The following MRPS28 variants were observed in gnomAD, a reference collection of about 807,000 sequenced individuals.
MRPS28 encodes the protein mitochondrial ribosomal protein S28, also known as small ribosomal subunit protein bS1m.
MRPS28 carries 7 observed loss-of-function variants against 10.8 expected under a neutral mutation model. The ratio of observed to expected loss-of-function variants is 0.65; its 90% CI spans 0.37 to 1.22. The LOEUF is 1.22. MRPS28 is among the 50% of genes most tolerant of loss of function. The pLI, the probability that MRPS28 is intolerant of heterozygous loss-of-function variation, is 0.02. For synonymous variants in MRPS28, 121 were observed against 93.3 expected (o/e 1.30, Z -1.71); for missense variants, 265 against 232.9 (o/e 1.14, Z -0.90).
At chr8:79,962,185 G>A (rs531882458) in intron 2 of MRPS28, among the ~76,000 whole-genome samples, 6 of 152,106 alleles carry the variant, frequency 3.9e-5, no homozygotes, top group African/African-American at 1.4e-4. Flanking sequence ...TTCCCAGAGG[G>A]TAGTAGTTTT....
intron 1 of MRPS28, among the ~76,000 whole-genome samples, chr8:80,022,030 C>T (rs1010049981): frequency 2.0e-5 from 3 of 152,186 alleles, no homozygotes; most frequent in African/African-American, 7.2e-5. Flanking sequence ...AGTCAAAATG[C>T]AGAACAAGTC....
chr8:79,954,260 G>A (rs1807149185), intron 2 of MRPS28, among the ~76,000 whole-genome samples: 3 of 151,934 alleles, frequency 2.0e-5, no homozygotes, highest in African/African-American at 7.3e-5. Flanking sequence ...AAAAAATATA[G>A]CCTCTTTGGA....
At chr8:80,005,300 C>A (rs1289588744) in intron 1 of MRPS28, among the ~76,000 whole-genome samples, 3 of 152,136 alleles carry the variant, frequency 2.0e-5, no homozygotes, top group Admixed American at 6.5e-5. Flanking sequence ...GGCAGAAACT[C>A]TACAAGCCAG....
chr8:79,926,425 T>A (rs1411907366), intron 2 of MRPS28, among the ~76,000 whole-genome samples: 1 of 152,212 alleles, frequency 6.6e-6, no homozygotes. Context: ...CTTGCAAGTC[T>A]GACAAGAGGC....
intron 2 of MRPS28, among the ~76,000 whole-genome samples, chr8:79,986,263 T>C (rs1480166941): frequency 6.6e-6 from 1 of 152,214 alleles, no homozygotes; most frequent in Admixed American, 6.5e-5. Flanking sequence ...TAGGTATTGA[T>C]GGGATGTATC....
intron 2 of MRPS28, among the ~76,000 whole-genome samples, chr8:79,946,356 C>A (rs1020968748): frequency 6.6e-6 from 1 of 152,028 alleles, no homozygotes; most frequent in Non-Finnish European, 1.5e-5. Context: ...GAAATAGATG[C>A]TGTAACATAT....
At chr8:79,950,648 A>G (rs1007890662) in intron 2 of MRPS28, among the ~76,000 whole-genome samples, 2 of 152,258 alleles carry the variant, frequency 1.3e-5, no homozygotes, top group Non-Finnish European at 2.9e-5. Context: ...CATCTTTATC[A>G]ATATAGCTAA....
At chr8:79,951,414 G>A (rs920697333) in intron 2 of MRPS28, among the ~76,000 whole-genome samples, 2 of 152,172 alleles carry the variant, frequency 1.3e-5, no homozygotes, top group Non-Finnish European at 2.9e-5. Flanking sequence ...CCATCATCTA[G>A]GTGCCTCTGT....
At chr8:79,982,871 G>A (rs1312842885) in intron 2 of MRPS28, among the ~76,000 whole-genome samples, 4 of 151,864 alleles carry the variant, frequency 2.6e-5, no homozygotes, top group Non-Finnish European at 5.9e-5. Flanking sequence ...AGTAACCTCT[G>A]CAGACTTAAA....
intron 1 of MRPS28, among the ~76,000 whole-genome samples, chr8:80,014,459 T>C (rs1809142533): frequency 6.6e-6 from 1 of 152,080 alleles, no homozygotes; most frequent in Non-Finnish European, 1.5e-5. Flanking sequence ...ATATGAACAA[T>C]TTGTGATGAT....
chr8:79,933,175 C>A (rs1321439810), intron 2 of MRPS28, among the ~76,000 whole-genome samples: 1 of 152,160 alleles, frequency 6.6e-6, no homozygotes. Context: ...GTGGCTTAAA[C>A]AACAGAAATT....
At chr8:79,982,445 C>A (rs1807988599) in intron 2 of MRPS28, among the ~76,000 whole-genome samples, 2 of 152,224 alleles carry the variant, frequency 1.3e-5, no homozygotes, top group Admixed American at 1.3e-4. Flanking sequence ...CGTGCGTGAG[C>A]CGAAGCAGGG....
intron 2 of MRPS28, among the ~76,000 whole-genome samples, chr8:79,935,635 A>T (rs551624659): frequency 1.3e-5 from 2 of 152,346 alleles, no homozygotes; most frequent in East Asian, 3.8e-4. Flanking sequence ...GAGCTATCCA[A>T]TTCTGAGAAT....
At chr8:79,987,123 A>G (rs918939380) in intron 2 of MRPS28, among the ~76,000 whole-genome samples, 6 of 152,168 alleles carry the variant, frequency 3.9e-5, no homozygotes, top group East Asian at 1.9e-4. Context: ...ATAACGCCGC[A>G]TAGCTACAAC....
At chr8:79,997,246 A>C (rs1808524525) in intron 2 of MRPS28, among the ~76,000 whole-genome samples, 1 of 152,216 alleles carries the variant, frequency 6.6e-6, no homozygotes, top group Admixed American at 6.5e-5. Flanking sequence ...TGACTCACAG[A>C]AAGGTTCATG....
intron 2 of MRPS28, among the ~76,000 whole-genome samples, chr8:79,979,492 T>A (rs1807893048): frequency 6.6e-6 from 1 of 152,076 alleles, no homozygotes; most frequent in African/African-American, 2.4e-5. Context: ...GACAAAAAAA[T>A]AAAAAATAAA....
chr8:79,961,168 A>G (rs921705106), intron 2 of MRPS28, among the ~76,000 whole-genome samples: 22 of 152,132 alleles, frequency 1.4e-4, no homozygotes, highest in African/African-American at 5.1e-4. Context: ...AACCTAATTG[A>G]GCCCATATAA....
At chr8:79,979,394 C>T (rs902898023) in intron 2 of MRPS28, among the ~76,000 whole-genome samples, 13 of 152,170 alleles carry the variant, frequency 8.5e-5, no homozygotes, top group African/African-American at 2.4e-4. Context: ...GCCTTCCCTG[C>T]AGTTAGGGAG....
At chr8:79,976,038 G>A (rs919201952) in intron 2 of MRPS28, among the ~76,000 whole-genome samples, 2 of 152,020 alleles carry the variant, frequency 1.3e-5, no homozygotes, top group East Asian at 3.9e-4. Context: ...ACCTACTTAT[G>A]AGGCAGTATG....
Sources: gnomAD v4.1 joint callset for allele counts (sites outside exome capture counted in the v4.1 genomes callset) on GRCh38, gnomAD v4.1.1 for gene constraint, MANE v1.5 for transcripts, NCBI Gene and HGNC (gene_info 2026-07-23, HGNC 2026-07-21) for gene names.